The following RFTN2 variants were observed in gnomAD, a reference collection of about 807,000 sequenced individuals.
RFTN2 encodes raftlin-2.
A neutral mutation model predicts 52.7 loss-of-function variants in RFTN2; 34 were observed. The observed-to-expected ratio is 0.64, with a 90% CI of 0.49 to 0.86. The LOEUF (loss-of-function observed/expected upper bound fraction) is 0.86, where lower values mean the gene tolerates loss of function less well. Among genes scored for constraint, RFTN2 ranks in the 40% least tolerant of loss-of-function variants. The probability of loss-of-function intolerance (pLI) is 0.00; values close to 1 mark genes in which losing one functional copy is unlikely to be tolerated. For synonymous variants in RFTN2, 203 were observed against 217.7 expected (o/e 0.93, Z 0.59); for missense variants, 536 against 600.1 (o/e 0.89, Z 1.12).
intron 7 of RFTN2, among the ~76,000 whole-genome samples, chr2:197,604,917 T>G (rs750943965): frequency 1.8e-4 from 27 of 151,896 alleles, no homozygotes; most frequent in Non-Finnish European, 3.1e-4. Context: ...TGTGACACCA[T>G]GCCCGGCTAA....
At chr2:197,576,045 G>A (rs1031262190) in intron 8 of RFTN2, among the ~76,000 whole-genome samples, 1 of 151,620 alleles carries the variant, frequency 6.6e-6, no homozygotes, top group Non-Finnish European at 1.5e-5. Context: ...GTCTTGTTCT[G>A]TTGTCTAGGC....
intron 8 of RFTN2, among the ~76,000 whole-genome samples, chr2:197,572,617 T>C (rs2087337625): frequency 6.6e-6 from 1 of 152,198 alleles, no homozygotes; most frequent in Non-Finnish European, 1.5e-5. Context: ...AAGCAAGGTA[T>C]AAATACTAAT....
intron 6 of RFTN2, 61 bp downstream of exon 6, chr2:197,617,739 A>ATATATAT: frequency 1.6e-6 from 1 of 638,364 alleles, no homozygotes; most frequent in Non-Finnish European, 2.1e-6. Context: ...CCAAACATAT[A>ATATATAT]TATATATTAT....
At chr2:197,599,484 C>T (rs574542150) in intron 7 of RFTN2, among the ~76,000 whole-genome samples, 2 of 152,024 alleles carry the variant, frequency 1.3e-5, no homozygotes, top group East Asian at 1.9e-4. Flanking sequence ...TCTCTACCAG[C>T]GGATCCCGAG....
intron 7 of RFTN2, among the ~76,000 whole-genome samples, chr2:197,603,673 T>G (rs1246554665): frequency 1.3e-5 from 2 of 152,086 alleles, no homozygotes; most frequent in Non-Finnish European, 2.9e-5. Context: ...CCCAGCACTT[T>G]GGGAGGTGAG....
At chr2:197,651,079 T>G (rs2088819028) in intron 1 of RFTN2, among the ~76,000 whole-genome samples, 1 of 152,224 alleles carries the variant, frequency 6.6e-6, no homozygotes, top group Non-Finnish European at 1.5e-5. Flanking sequence ...TGGAGAACTG[T>G]CTGTTCAAAC....
chr2:197,673,049 C>T (rs139467751), intron 1 of RFTN2, among the ~76,000 whole-genome samples: 3,746 of 152,094 alleles, frequency 0.025, 74 homozygotes, highest in Middle Eastern at 0.071. Flanking sequence ...CCTCCTGCCC[C>T]CATTGGATCT....
At chr2:197,662,928 C>T (rs1444573358) in intron 1 of RFTN2, among the ~76,000 whole-genome samples, 1 of 152,058 alleles carries the variant, frequency 6.6e-6, no homozygotes, top group Non-Finnish European at 1.5e-5. Flanking sequence ...ACCTGGCCCC[C>T]TTCCATTTAT....
At position 197,660,276 on chromosome 2, in the gene RFTN2, A is replaced by C. The variant is rs934746444; in HGVS notation, c.140-13610T>G. ...AATTGTTAAGCAATTTAATGTATGG[A>C]TATTAGAAGGAGTATCTAATTTATG... On this transcript the variant is annotated intron_variant, in intron 1 of 8. Coordinates refer to ENST00000295049, the MANE Select transcript of RFTN2 (RefSeq NM_144629.3). Among the ~76,000 whole-genome samples, 59 of 152,094 alleles carry C rather than the reference A, an allele frequency of 3.9e-4. 2 individuals carry two copies. The highest frequency in any genetic ancestry group is 2.9e-5 in the Non-Finnish European group (2 of 68,044).
chr2:197,597,832 C>A (rs2087817185), intron 7 of RFTN2, among the ~76,000 whole-genome samples: 1 of 152,110 alleles, frequency 6.6e-6, no homozygotes, highest in South Asian at 2.1e-4. Context: ...TGATTTTTTT[C>A]TATCAGGGAC....
At chr2:197,640,249 G>T (rs1371315636) in intron 3 of RFTN2, among the ~76,000 whole-genome samples, 1 of 152,190 alleles carries the variant, frequency 6.6e-6, no homozygotes, top group Non-Finnish European at 1.5e-5. Flanking sequence ...TCCTTGAGCT[G>T]TGGTGGGCTC....
At chr2:197,616,309 A>ATTTTATTTTATTTTATTTTATTTT (rs1553601950) in intron 6 of RFTN2, among the ~76,000 whole-genome samples, 27 of 125,068 alleles carry the variant, frequency 2.2e-4, no homozygotes, top group African/African-American at 4.3e-4. Context: ...ATTTTATTTT[A>ATTTTATTTTATTTTATTTTATTTT]AAGAGAGGGT....
intron 1 of RFTN2, among the ~76,000 whole-genome samples, chr2:197,649,087 G>A (rs143427682): frequency 2.0e-4 from 31 of 152,258 alleles, no homozygotes; most frequent in African/African-American, 5.8e-4. Context: ...AAAAAGGCAA[G>A]CAATCAAGAT....
rs183753749 is a variant in RFTN2 at position 197,629,163 on chromosome 2, C to T, written c.928+1848G>A. Among the ~76,000 whole-genome samples, 27 of 152,286 alleles carry T rather than the reference C, an allele frequency of 1.8e-4. No individual in the cohort carries two copies. The East Asian group carries it at 5.0e-3, about 28-fold the overall frequency. The stretch of plus-strand genomic sequence containing the variant: ...ACGTACACGTATGTTTATTGTGGCA[C>T]TATTCATAATAGCAAAGACTTGGAA... On this transcript the variant is annotated intron_variant, in intron 5 of 8. Transcript: ENST00000295049.
chr2:197,617,078 C>T (rs995160361), intron 6 of RFTN2, among the ~76,000 whole-genome samples: 5 of 151,998 alleles, frequency 3.3e-5, no homozygotes, highest in Admixed American at 1.3e-4. Context: ...TTTGGCCTGG[C>T]GAGAGAGAGA....
Position 197,665,484 on chromosome 2 carries a change from C to T in RFTN2, c.139+9836G>A, listed in dbSNP as rs111360585. Among the ~76,000 whole-genome samples the T allele has an allele frequency of 1.5e-4, 12 of 82,156 alleles. 3 individuals carry two copies. The highest frequency in any genetic ancestry group is 6.2e-4 in the African/African-American group (12 of 19,298). 53.9% of individuals were successfully genotyped at this position (82,156 alleles called of 152,430 possible). A position where few individuals can be genotyped will look rare whatever the true frequency, so the allele number is the denominator to read the frequency against. ...TGTTTAGAATTGTTATATCCTCTTG[C>T]TGGATTGATTCCTTTATCATTATGT... On this transcript the variant is annotated intron_variant, in intron 1 of 8. Transcript: ENST00000295049.
At chr2:197,573,555 T>C (rs2087353477) in intron 8 of RFTN2, among the ~76,000 whole-genome samples, 1 of 152,238 alleles carries the variant, frequency 6.6e-6, no homozygotes, top group Admixed American at 6.5e-5. Context: ...TTGGAACTTA[T>C]GTTTACATTT....
At chr2:197,654,995 C>A (rs1008430239) in intron 1 of RFTN2, among the ~76,000 whole-genome samples, 2 of 151,824 alleles carry the variant, frequency 1.3e-5, no homozygotes, top group African/African-American at 2.4e-5. Context: ...GACTCTGTCT[C>A]AAAAAACAAA....
intron 1 of RFTN2, among the ~76,000 whole-genome samples, chr2:197,669,638 C>T (rs1250006854): frequency 2.0e-5 from 3 of 152,118 alleles, no homozygotes; most frequent in Admixed American, 6.6e-5. Context: ...CCCTTGCACG[C>T]GCAGTTCACA....
Sources: gnomAD v4.1 joint callset for allele counts (sites outside exome capture counted in the v4.1 genomes callset) on GRCh38, gnomAD v4.1.1 for gene constraint, MANE v1.5 for transcripts, NCBI Gene and HGNC (gene_info 2026-07-23, HGNC 2026-07-21) for gene names.